MPRIP: variants seen among roughly 807,000 people sequenced by gnomAD.
MPRIP encodes myosin phosphatase Rho interacting protein, also known as myosin phosphatase Rho-interacting protein.
MPRIP carries 59 observed loss-of-function variants against 234.9 expected under a neutral mutation model. The ratio of observed to expected loss-of-function variants is 0.25; its 90% CI spans 0.20 to 0.31. The LOEUF (loss-of-function observed/expected upper bound fraction) is 0.31, where lower values mean the gene tolerates loss of function less well. Ranked by LOEUF, MPRIP falls within the 10% of genes least tolerant of loss-of-function variation. MPRIP has a pLI of 1.00. For missense variants in MPRIP, 2,436 were observed against 3,071.0 expected (o/e 0.79, Z 4.89); for synonymous variants, 1,144 against 1,263.9 (o/e 0.91, Z 2.01).
chr17:17,134,004 G>A (rs1178259418), intron 5 of MPRIP, among the ~76,000 whole-genome samples: 3 of 152,154 alleles, frequency 2.0e-5, no homozygotes, highest in East Asian at 1.9e-4. Context: ...AAGGAGGCCC[G>A]CTCCTCCATC....
In MPRIP at chr17:17,143,558, C is replaced by T. The variant is rs929898651; in HGVS notation, c.1392C>T (p.Asp464=). 3 of 1,593,590 alleles carry T rather than the reference C, an allele frequency of 1.9e-6. No individual in the cohort carries two copies. In the African/African-American group the frequency reaches 4.0e-5, roughly 21 times the overall value. The change falls in exon 9 of 24, where the codon GAC becomes GAT. Residue 464 remains aspartate (D), a splice_region_variant and synonymous_variant. Coordinates refer to ENST00000651222, the MANE Select transcript of MPRIP (RefSeq NM_001364716.4). ...CCAGCGGCTGCTCTCTGCCACAGGA[C>T]TTCACCAATGAAGCCCCCCCAGCTC... The part of the protein sequence containing the change: ...SEKRAFPRKR[D]FTNEAPPAPL...
Position 17,171,793 on chromosome 17 carries a change from C to A in MPRIP, c.6400C>A (p.Gln2134Lys). ...GATTGAAGATCTCCAGAGGCAGCAC[C>A]AGCGGGAGCTAGAGAAACTTCGAGA... ...KKIEDLQRQH[Q>K]RELEKLREEK... The change falls in exon 17 of 24, where the codon CAG becomes AAG. Residue 2134 changes from glutamine (Q) to lysine (K), a missense_variant. Physicochemically the swap from Gln to Lys is moderately conservative, Grantham distance 53. Transcript: ENST00000651222. 6.2e-7 allele frequency: 1 copy of A among 1,613,706 alleles called. No individual in the cohort carries two copies. The highest frequency in any genetic ancestry group is 8.5e-7 in the Non-Finnish European group (1 of 1,180,024).
intron 3 of MPRIP, among the ~76,000 whole-genome samples, chr17:17,083,295 T>C (rs997996055): frequency 2.0e-4 from 31 of 152,216 alleles, no homozygotes; most frequent in Non-Finnish European, 2.9e-4. Context: ...GAAATTAATT[T>C]GGGGTGCCTG....
At chr17:17,161,586 A>G (rs769442473) in intron 15 of MPRIP, among the ~76,000 whole-genome samples, 1 of 152,100 alleles carries the variant, frequency 6.6e-6, no homozygotes, top group Non-Finnish European at 1.5e-5. Flanking sequence ...TGAAACCTCT[A>G]TATCTAAGGA....
In MPRIP at chr17:17,052,806, A is replaced by AT. The variant is rs1330721706; in HGVS notation, c.123+9841dup. On this transcript the variant is annotated intron_variant, in intron 1 of 23. Transcript: ENST00000651222. ...GGCACAGCTCTGAACAGGAAGCACA[A>AT]TTTTTTCCTCTGAAAGAGGAATTCA... Among the ~76,000 whole-genome samples the AT allele has an allele frequency of 1.6e-4, 25 of 152,082 alleles. 1 individual carries two copies. Among genetic ancestry groups the AT allele is most frequent in the Admixed American group, 1.4e-3 (22 of 15,272 alleles).
intron 3 of MPRIP, among the ~76,000 whole-genome samples, chr17:17,109,615 A>C (rs765425391): frequency 2.0e-5 from 3 of 152,194 alleles, no homozygotes; most frequent in African/African-American, 4.8e-5. Context: ...ATACACCTCT[A>C]TTTCCTTGTT....
intron 2 of MPRIP, chr17:17,076,936 C>CTTTTTTTTTTTTTTTTT (rs5819598): frequency 8.8e-5 from 8 of 91,386 alleles, no homozygotes; most frequent in African/African-American, 3.4e-4. Context: ...GGGCTCTTTG[C>CTTTTTTTTTTTTTTTTT]TTTTTTTTTT....
rs1358730937 is a variant in MPRIP at position 17,078,178 on chromosome 17, C to T, written c.267+102C>T. The T allele has an allele frequency of 5.1e-6, 6 of 1,187,550 alleles. No individual in the cohort carries two copies. The East Asian group carries it at 9.5e-5, about 19-fold the overall frequency. 73.6% of individuals were successfully genotyped at this position (1,187,550 alleles called of 1,614,324 possible). A position where few individuals can be genotyped will look rare whatever the true frequency, so the allele number is the denominator to read the frequency against. ...GTGAGAGCACAGCAGCCATGTGCTC[C>T]TGCTTGTGTCTGTTTGGGAGTGTGG... On this transcript the variant is annotated intron_variant, in intron 3 of 23. Transcript: ENST00000651222. This position sits in a 1 kb window ranked among gnomAD's most constrained non-coding sequence, Gnocchi z 4.3.
At chr17:17,079,214 G>A (rs1176622691) in intron 3 of MPRIP, among the ~76,000 whole-genome samples, 3 of 152,108 alleles carry the variant, frequency 2.0e-5, no homozygotes, top group Admixed American at 6.6e-5. Flanking sequence ...TAAGAGGATG[G>A]TACCATAATC....
rs1173181098 is a variant in MPRIP at position 17,191,796 on chromosome 17, C to T, written c.*6902C>T. 5 of 152,224 alleles carry T rather than the reference C, an allele frequency of 3.3e-5. No individual in the cohort carries two copies. Among genetic ancestry groups the T allele is most frequent in the Non-Finnish European group, 5.9e-5 (4 of 68,042 alleles). 9.4% of individuals were successfully genotyped at this position (152,224 alleles called of 1,614,324 possible). A position where few individuals can be genotyped will look rare whatever the true frequency, so the allele number is the denominator to read the frequency against. On this transcript the variant is annotated 3_prime_UTR_variant, in exon 24 of 24. Coordinates refer to ENST00000651222, the MANE Select transcript of MPRIP (RefSeq NM_001364716.4). The stretch of plus-strand genomic sequence containing the variant: ...CTAGGAATAGATTGTGAAGAACACT[C>T]AGTTCACTACTGTGTTACATTTATA...
rs561255997 is a variant in MPRIP at position 17,172,203 on chromosome 17, C to T, written c.6472+338C>T. On this transcript the variant is annotated intron_variant, in intron 17 of 23. Coordinates refer to ENST00000651222, the MANE Select transcript of MPRIP (RefSeq NM_001364716.4). ...TTTCCCCCTGACAGACACCTGTCAA[C>T]GTGGGACCACCTCTGGCCAGAATGC... Among the ~76,000 whole-genome samples, 36 of 152,354 alleles carry T rather than the reference C, an allele frequency of 2.4e-4. No homozygotes were observed. The South Asian group carries it at 7.2e-3, about 31-fold the overall frequency.
chr17:17,156,262 G>A (rs902116333), intron 13 of MPRIP, among the ~76,000 whole-genome samples: 5 of 152,252 alleles, frequency 3.3e-5, no homozygotes, highest in Admixed American at 6.5e-5. Context: ...GCTTCCCTGC[G>A]TGCAGGGGCT....
At chr17:17,127,837 C>A (rs1000914561) in intron 4 of MPRIP, among the ~76,000 whole-genome samples, 46 of 152,328 alleles carry the variant, frequency 3.0e-4, no homozygotes, top group African/African-American at 1.1e-3. Context: ...TGCAGCCTGG[C>A]CAAGCCTGGT....
chr17:17,066,280 T>C (rs1230960510), intron 1 of MPRIP, among the ~76,000 whole-genome samples: 1 of 152,206 alleles, frequency 6.6e-6, no homozygotes, highest in African/African-American at 2.4e-5. Flanking sequence ...TATTTAGAGA[T>C]GCTTTTATGA....
intron 12 of MPRIP, among the ~76,000 whole-genome samples, chr17:17,153,535 A>G (rs754902959): frequency 4.6e-5 from 7 of 151,232 alleles, no homozygotes; most frequent in Middle Eastern, 3.2e-3. Context: ...GCTTTGTCCT[A>G]CCTGCTGCCC....
At chr17:17,100,123 G>A (rs1036084114) in intron 3 of MPRIP, among the ~76,000 whole-genome samples, 3 of 152,170 alleles carry the variant, frequency 2.0e-5, no homozygotes, top group East Asian at 3.9e-4. Context: ...CCTGGACGGC[G>A]GGTTGAATAG....
At chr17:17,050,015 G>A (rs945999230) in intron 1 of MPRIP, among the ~76,000 whole-genome samples, 3 of 150,920 alleles carry the variant, frequency 2.0e-5, no homozygotes, top group African/African-American at 4.9e-5. Flanking sequence ...AGTGAAACCC[G>A]TCTCTACTAA....
At chr17:17,177,168 C>A in intron 21 of MPRIP, 82 bp from the exon 22 acceptor site, 3 of 1,376,482 alleles carry the variant, frequency 2.2e-6, no homozygotes, top group African/African-American at 1.4e-5. Context: ...CTACCGTGTT[C>A]AGTCCCCAGG....
intron 3 of MPRIP, among the ~76,000 whole-genome samples, chr17:17,124,906 G>C (rs1192672128): frequency 4.6e-5 from 7 of 152,194 alleles, no homozygotes; most frequent in Admixed American, 6.5e-5. Context: ...AGGAAAGCCA[G>C]GACCCCCACC....
Sources: allele counts gnomAD v4.1 joint callset (sites outside exome capture counted in the v4.1 genomes callset), GRCh38; gene constraint gnomAD v4.1.1; non-coding constraint Gnocchi (gnomAD v3.1); transcripts MANE v1.5; gene names NCBI Gene and HGNC (gene_info 2026-07-23, HGNC 2026-07-21).